TENM2: variants seen among roughly 807,000 people sequenced by gnomAD.
TENM2 encodes teneurin-2.
TENM2 carries 52 observed loss-of-function variants against 245.2 expected under a neutral mutation model. The ratio of observed to expected loss-of-function variants is 0.21; its 90% confidence interval spans 0.17 to 0.27. TENM2 has a LOEUF of 0.27. Ranked by LOEUF, TENM2 falls within the 10% of genes least tolerant of loss-of-function variation. TENM2 has a pLI of 1.00. For missense variants in TENM2, 3,046 were observed against 3,666.8 expected (o/e 0.83, Z 4.37); for synonymous variants, 1,363 against 1,438.9 (o/e 0.95, Z 1.19).
chr5:166,979,053 G>T, the TENM2 span, among the ~76,000 whole-genome samples: 1 of 152,018 alleles, frequency 6.6e-6, no homozygotes, highest in Non-Finnish European at 1.5e-5. Context: ...TCGCGTGCAG[G>T]AGTCACTGGG....
At chr5:167,966,820 T>C (rs1781418429) in intron 4 of TENM2, among the ~76,000 whole-genome samples, 1 of 152,192 alleles carries the variant, frequency 6.6e-6, no homozygotes, top group Non-Finnish European at 1.5e-5. Flanking sequence ...AAAGGTAGGA[T>C]TCATTCTGGG....
chr5:167,849,107 G>A (rs1215719101), intron 2 of TENM2, among the ~76,000 whole-genome samples: 1 of 152,050 alleles, frequency 6.6e-6, no homozygotes, highest in Admixed American at 6.6e-5. Context: ...TTTCTTCTGG[G>A]GACACCATGG....
At chr5:168,159,509 T>C (rs1757550688) in intron 12 of TENM2, among the ~76,000 whole-genome samples, 1 of 152,144 alleles carries the variant, frequency 6.6e-6, no homozygotes, top group Non-Finnish European at 1.5e-5. Flanking sequence ...GACTAATTAC[T>C]TCCTAGGTTT....
At chr5:167,099,805 T>C in the TENM2 span, among the ~76,000 whole-genome samples, 2 of 152,222 alleles carry the variant, frequency 1.3e-5, no homozygotes, top group Non-Finnish European at 2.9e-5. Context: ...TTTAAAAAAC[T>C]AAAATGTTGA....
chr5:167,266,762 A>C, the TENM2 span, among the ~76,000 whole-genome samples: 1 of 152,354 alleles, frequency 6.6e-6, no homozygotes, highest in East Asian at 1.9e-4. Flanking sequence ...CAATTGCAAC[A>C]TTTCATTCAT....
chr5:167,125,045 C>T, the TENM2 span, among the ~76,000 whole-genome samples: 12 of 152,206 alleles, frequency 7.9e-5, no homozygotes, highest in Admixed American at 3.3e-4. Flanking sequence ...ATGATAGCAT[C>T]GCCTAAGAAG....
intron 1 of TENM2, among the ~76,000 whole-genome samples, chr5:167,316,633 A>G (rs2127763474): frequency 6.6e-6 from 1 of 152,286 alleles, no homozygotes; most frequent in South Asian, 2.1e-4. Context: ...ATATCCACAC[A>G]TCCCCACACA....
chr5:167,070,370 C>A, the TENM2 span, among the ~76,000 whole-genome samples: 2 of 147,120 alleles, frequency 1.4e-5, no homozygotes, highest in East Asian at 4.0e-4. Context: ...ACCTCATGAT[C>A]CCCCCATCTT....
chr5:167,974,684 T>C (rs1234371967), intron 4 of TENM2, among the ~76,000 whole-genome samples: 2 of 152,164 alleles, frequency 1.3e-5, no homozygotes, highest in South Asian at 2.1e-4. Context: ...TAACAAGTCA[T>C]TTGCCTTAGG....
chr5:168,046,097 C>G (rs761914158), intron 5 of TENM2, among the ~76,000 whole-genome samples: 3 of 152,176 alleles, frequency 2.0e-5, no homozygotes, highest in Non-Finnish European at 2.9e-5. Context: ...CACACGGACA[C>G]CTTGCCACCT....
At chr5:167,325,308 TA>T (rs1225709123) in intron 1 of TENM2, among the ~76,000 whole-genome samples, 1 of 152,236 alleles carries the variant, frequency 6.6e-6, no homozygotes, top group Non-Finnish European at 1.5e-5. Flanking sequence ...ATTTAAATGA[TA>T]CTTGTAAATA....
At chr5:167,258,215 G>GTGTGTGTATATA in the TENM2 span, among the ~76,000 whole-genome samples, 1 of 122,890 alleles carries the variant, frequency 8.1e-6, no homozygotes, top group African/African-American at 3.1e-5. Context: ...ATATATATAT[G>GTGTGTGTATATA]TATATATATA....
intron 12 of TENM2, among the ~76,000 whole-genome samples, chr5:168,158,829 G>GTATATATATATATATA (rs780328417): frequency 1.4e-4 from 9 of 63,722 alleles, no homozygotes; most frequent in Admixed American, 6.8e-4. Context: ...GTGTGTGTGT[G>GTATATATATATATATA]TATATATATA....
At chr5:167,681,703 C>T (rs765645794) in intron 2 of TENM2, among the ~76,000 whole-genome samples, 4 of 152,064 alleles carry the variant, frequency 2.6e-5, no homozygotes, top group Non-Finnish European at 4.4e-5. Context: ...TATATGTACA[C>T]ATGCCCAAAT....
intron 3 of TENM2, among the ~76,000 whole-genome samples, chr5:167,900,826 G>A (rs1238109315): frequency 6.6e-6 from 1 of 151,792 alleles, no homozygotes; most frequent in East Asian, 1.9e-4. Context: ...TGGAGTGATT[G>A]GGGTGGGGGG....
chr5:167,452,393 G>A (rs1486140402), intron 2 of TENM2, among the ~76,000 whole-genome samples: 1 of 152,124 alleles, frequency 6.6e-6, no homozygotes, highest in East Asian at 1.9e-4. Flanking sequence ...GTAAAGAAAT[G>A]CCCAACTTTA....
chr5:167,340,011 C>T (rs1758001438), intron 1 of TENM2, among the ~76,000 whole-genome samples: 1 of 152,206 alleles, frequency 6.6e-6, no homozygotes, highest in Non-Finnish European at 1.5e-5. Context: ...GCACAAAACA[C>T]ACTAAGACAC....
At chr5:168,206,959 C>G (rs1205425485) in intron 19 of TENM2, among the ~76,000 whole-genome samples, 1 of 152,160 alleles carries the variant, frequency 6.6e-6, no homozygotes, top group Non-Finnish European at 1.5e-5. Flanking sequence ...TTGCTGCTTG[C>G]TCTGCTTAAA....
Position 168,133,795 on chromosome 5 carries a change from A to G in TENM2, c.2422+6829A>G, listed in dbSNP as rs568615074. On this transcript the variant is annotated intron_variant, in intron 12 of 28. Coordinates refer to ENST00000518659, the Ensembl canonical transcript of TENM2. ...TTAATAAAAAGAAAAGACATGGCTC[A>G]TCCATCCACGTCTGCTTCACTTGAA... Among the ~76,000 whole-genome samples, 25 of 152,370 alleles carry G rather than the reference A, an allele frequency of 1.6e-4. 2 individuals carry two copies. The East Asian group carries it at 4.6e-3, about 28-fold the overall frequency.
Sources: gnomAD v4.1 joint callset for allele counts (sites outside exome capture counted in the v4.1 genomes callset) on GRCh38, gnomAD v4.1.1 for gene constraint, MANE v1.5 for transcripts, NCBI Gene and HGNC (gene_info 2026-07-23, HGNC 2026-07-21) for gene names.